Variants in CDC42BPB observed in about 807,000 individuals in gnomAD.
The protein encoded by CDC42BPB is serine/threonine-protein kinase MRCK beta.
In CDC42BPB, 37 loss-of-function variants were observed where a neutral mutation model predicts 214.9. That is an observed-to-expected ratio of 0.17 (90% CI 0.13 to 0.23). The LOEUF (loss-of-function observed/expected upper bound fraction) is 0.23. CDC42BPB is among the 10% of genes least tolerant of loss of function. The pLI is 1.00. For synonymous variants in CDC42BPB, 931 were observed against 884.0 expected (o/e 1.05, Z -0.94); for missense variants, 1,694 against 2,227.0 (o/e 0.76, Z 4.82).
intron 3 of CDC42BPB, among the ~76,000 whole-genome samples, chr14:103,006,103 C>T (rs1023757363): frequency 6.6e-6 from 1 of 152,012 alleles, no homozygotes; most frequent in African/African-American, 2.4e-5. Flanking sequence ...ATTCAGCTTG[C>T]TAATGTCCAG....
intron 34 of CDC42BPB, 31 bp from the exon 35 acceptor site, chr14:102,938,442 T>C: frequency 6.6e-7 from 1 of 1,512,114 alleles, no homozygotes; most frequent in Non-Finnish European, 8.8e-7. Context: ...GTGAGCATGC[T>C]TGGTTGACAC....
chr14:102,973,958 C>T lies in CDC42BPB; in HGVS notation c.1641+58G>A, dbSNP rs1001290559. Reference sequence around the variant, plus strand: ...TCTTCCATCATCGGCATGAACGTGACCTTACAGAATTCTGCAAAGTCCCGT... The same window carrying T: ...TCTTCCATCATCGGCATGAACGTGATCTTACAGAATTCTGCAAAGTCCCGT... On this transcript the variant is annotated intron_variant, in intron 12 of 36. Coordinates refer to ENST00000361246, the MANE Select transcript of CDC42BPB (RefSeq NM_006035.4). 1.4e-5 allele frequency: 21 copies of T among 1,547,406 alleles called. No homozygotes were observed. In the African/African-American group the frequency reaches 2.8e-4, roughly 20 times the overall value.
intron 1 of CDC42BPB, among the ~76,000 whole-genome samples, chr14:103,018,252 C>T (rs765671770): frequency 1.3e-5 from 2 of 152,136 alleles, no homozygotes; most frequent in East Asian, 1.9e-4. Flanking sequence ...TGGAGCTGTC[C>T]GTGGCCTGGG....
At chr14:103,029,772 T>C (rs1382201545) in intron 1 of CDC42BPB, among the ~76,000 whole-genome samples, 1 of 145,862 alleles carries the variant, frequency 6.9e-6, no homozygotes, top group Admixed American at 7.1e-5. Context: ...CGCAGGAGAA[T>C]TGCTTGAACC....
intron 1 of CDC42BPB, among the ~76,000 whole-genome samples, chr14:103,036,752 T>C (rs1258368916): frequency 6.6e-6 from 1 of 152,194 alleles, no homozygotes; most frequent in Non-Finnish European, 1.5e-5. Context: ...CAAACTAAAA[T>C]CACAGTTCTG....
intron 1 of CDC42BPB, among the ~76,000 whole-genome samples, chr14:103,041,191 T>A (rs1887969257): frequency 6.6e-6 from 1 of 152,234 alleles, no homozygotes; most frequent in Non-Finnish European, 1.5e-5. Context: ...ATATAGTCTG[T>A]TCGACAAACA....
At chr14:103,041,884 G>C (rs779468369) in intron 1 of CDC42BPB, 74 of 423,880 alleles carry the variant, frequency 1.7e-4, no homozygotes, top group Non-Finnish European at 3.0e-4. Flanking sequence ...AGACAGTTCT[G>C]CTGAAGAACT....
chr14:102,952,347 CT>C (rs1892527275), intron 24 of CDC42BPB, 150 bp downstream of exon 24: 2 of 596,910 alleles, frequency 3.4e-6, no homozygotes, highest in Non-Finnish European at 3.0e-6. Context: ...CCCACTCCCC[CT>C]AAAAAAAACC....
In CDC42BPB at chr14:103,000,960, T is replaced by G. The variant is rs993715115; in HGVS notation, c.448-1247A>C. Among the ~76,000 whole-genome samples the G allele has an allele frequency of 7.9e-5, 12 of 152,068 alleles. No homozygotes were observed. In the East Asian group the frequency reaches 2.1e-3, roughly 27 times the overall value. ...CCCATCACATTCAACCAGACTGCAG[T>G]GTCTCCAAAGGAAGGGAAGCACCAC... On this transcript the variant is annotated intron_variant, in intron 4 of 36. Coordinates refer to ENST00000361246, the MANE Select transcript of CDC42BPB (RefSeq NM_006035.4).
Position 102,933,831 on chromosome 14 carries a change from A to G in CDC42BPB, c.5017T>C (p.Ser1673Pro). 1 of 1,519,788 alleles carries G rather than the reference A, an allele frequency of 6.6e-7. No individual in the cohort carries two copies. 94.1% of individuals were successfully genotyped at this position (1,519,788 alleles called of 1,614,324 possible). Reference protein sequence around the residue: ...QDFDKEPDSDSTKHSTPSNSS... With the variant: ...QDFDKEPDSDPTKHSTPSNSS... The stretch of plus-strand genomic sequence containing the variant: ...TTCGATGGAGTTGAGTGTTTGGTGG[A>G]GTCCGAATCAGGCTGTGAACAGGAA... Residue 1673 changes from serine (S) to proline (P), a missense_variant, in exon 37 of 37, where the codon TCC becomes CCC. Around this residue, in one of 7 missense-constraint regions of CDC42BPB, gnomAD observed 146 missense variants for 134.1 expected, o/e 1.09. Transcript: ENST00000361246.
intron 21 of CDC42BPB, 128 bp downstream of exon 21, chr14:102,959,503 G>T: frequency 1.5e-6 from 1 of 658,774 alleles, no homozygotes; most frequent in Non-Finnish European, 2.6e-6. Flanking sequence ...TTAGCACAAC[G>T]CTGAGATAAA....
chr14:103,035,143 C>T (rs891798876), intron 1 of CDC42BPB, among the ~76,000 whole-genome samples: 32 of 151,954 alleles, frequency 2.1e-4, no homozygotes, highest in Admixed American at 1.6e-3. Flanking sequence ...CCACAACTTC[C>T]GCCACCCAGG....
At chr14:102,997,926 C>G (rs1894814898) in intron 5 of CDC42BPB, among the ~76,000 whole-genome samples, 1 of 152,164 alleles carries the variant, frequency 6.6e-6, no homozygotes, top group Non-Finnish European at 1.5e-5. Context: ...GGGCGGATCA[C>G]TTGAGGTCAA....
chr14:102,941,407 A>G (rs1393773360), intron 30 of CDC42BPB: 3 of 985,350 alleles, frequency 3.0e-6, no homozygotes, highest in Non-Finnish European at 2.4e-6. Flanking sequence ...TTCTGAATAC[A>G]AAAAGGGAAA....
chr14:102,934,739 C>T (rs146020934), intron 36 of CDC42BPB, among the ~76,000 whole-genome samples: 3,940 of 151,284 alleles, frequency 0.026, 132 homozygotes, highest in African/African-American at 0.076. Context: ...GGGCCGGGTG[C>T]GGTGGCTCAC....
chr14:102,971,558 T>C (rs879779362), intron 13 of CDC42BPB, among the ~76,000 whole-genome samples: 9 of 152,234 alleles, frequency 5.9e-5, no homozygotes, highest in Admixed American at 2.0e-4. Flanking sequence ...TCCCACAGTG[T>C]TGGGATTCCA....
intron 1 of CDC42BPB, among the ~76,000 whole-genome samples, chr14:103,050,763 A>G (rs559418439): frequency 3.2e-4 from 41 of 126,584 alleles, no homozygotes; most frequent in East Asian, 1.1e-3. Context: ...TCTTGGGGGG[A>G]AAAAAAAAAA....
At chr14:102,994,528 T>C (rs560276149) in intron 5 of CDC42BPB, among the ~76,000 whole-genome samples, 1 of 152,300 alleles carries the variant, frequency 6.6e-6, no homozygotes, top group South Asian at 2.1e-4. Flanking sequence ...ACGGTCCCCA[T>C]GGGCCACTGT....
chr14:102,974,042 G>A lies in CDC42BPB; in HGVS notation c.1615C>T (p.Arg539Trp), dbSNP rs755233914. ...RGLEKQHRVVRQEKEELHKQL... is the reference protein window; with the variant it reads ...RGLEKQHRVVWQEKEELHKQL... ...TTGTGCAGCTCCTCCTTCTCCTGCC[G>A]GACCACGCGGTGCTGCTTCTCCAGC... The change falls in exon 12 of 37, where the codon CGG becomes TGG. Residue 539 changes from arginine (R) to tryptophan (W), a missense_variant. This residue lies in a region of CDC42BPB where 462 missense variants were observed against 513.5 expected (regional missense o/e 0.90). Coordinates refer to ENST00000361246, the MANE Select transcript of CDC42BPB (RefSeq NM_006035.4). 20 of 1,611,392 alleles carry A rather than the reference G, an allele frequency of 1.2e-5. No individual in the cohort carries two copies. Among genetic ancestry groups the A allele is most frequent in the East Asian group, 2.2e-5 (1 of 44,828 alleles).
Sources: allele counts gnomAD v4.1 joint callset (sites outside exome capture counted in the v4.1 genomes callset), GRCh38; gene constraint gnomAD v4.1.1; regional missense constraint gnomAD v4.1.1; transcripts MANE v1.5; gene names NCBI Gene and HGNC (gene_info 2026-07-23, HGNC 2026-07-21).